TRAF3: variants seen among roughly 807,000 people sequenced by gnomAD.
The protein encoded by TRAF3 is TNF receptor associated factor 3.
TRAF3 carries 13 observed loss-of-function variants against 62.3 expected under a neutral mutation model. The ratio of observed to expected loss-of-function variants is 0.21; its 90% CI spans 0.14 to 0.33. The LOEUF (loss-of-function observed/expected upper bound fraction) is 0.33. TRAF3 is among the 10% of genes least tolerant of loss of function. The pLI is 1.00. For synonymous variants in TRAF3, 269 were observed against 283.4 expected, an observed-to-expected ratio of 0.95 and a Z score of 0.51; for missense variants, 440 against 741.8, an observed-to-expected ratio of 0.59 and a Z score of 4.73.
chr14:102,807,072 C>T (rs763682370), intron 1 of TRAF3, among the ~76,000 whole-genome samples: 2 of 152,172 alleles, frequency 1.3e-5, no homozygotes, highest in Non-Finnish European at 2.9e-5. Flanking sequence ...TCTGCTGATG[C>T]CGGTGGCCCC....
In TRAF3 at chr14:102,871,966, A is replaced by G. The variant is rs913325813; in HGVS notation, c.295A>G (p.Lys99Glu). ...GTGTCAAGAGAGCATCGTTAAAGATAAGGTATTCTGGGGTTTTTTTTAATC... is the reference window on the plus strand; with the variant it reads ...GTGTCAAGAGAGCATCGTTAAAGATGAGGTATTCTGGGGTTTTTTTTAATC... ...TACQESIVKD[K>E]VFKDNCCKRE... The change falls in exon 4 of 12, where the codon AAG becomes GAG. Residue 99 changes from lysine (K) to glutamate (E), a missense_variant and splice_region_variant. Around this residue, in one of 6 missense-constraint regions of TRAF3, gnomAD observed 255 missense variants for 424.1 expected, o/e 0.60. Transcript: ENST00000392745. 14 of 1,614,052 alleles carry G rather than the reference A, an allele frequency of 8.7e-6. No individual in the cohort carries two copies. The highest frequency in any genetic ancestry group is 1.3e-5 in the African/African-American group (1 of 74,948).
chr14:102,785,083 T>A (rs545009422), intron 1 of TRAF3, among the ~76,000 whole-genome samples: 1 of 152,322 alleles, frequency 6.6e-6, no homozygotes, highest in East Asian at 1.9e-4. Context: ...CACAGCTGAA[T>A]TACAGTGCAG....
chr14:102,791,974 T>G (rs1192892248), intron 1 of TRAF3, among the ~76,000 whole-genome samples: 1 of 151,694 alleles, frequency 6.6e-6, no homozygotes. Context: ...CACAATGCCC[T>G]GCTGTTTTTT....
At chr14:102,876,592 G>C in intron 6 of TRAF3, 67 bp downstream of exon 6, 1 of 1,572,732 alleles carries the variant, frequency 6.4e-7, no homozygotes, top group Admixed American at 1.8e-5. Context: ...CAGGCCTTCC[G>C]CTCAATTCGT....
rs758246898 is a variant in TRAF3 at position 102,897,266 on chromosome 14, C to T, written c.825C>T (p.Ser275=). The part of the protein sequence containing the change: ...EWSNSLEKKV[S]LLQNESVEKN... ...TTAAAGAATTTCTTTTTTAGGTTTC[C>T]TTGTTGCAGAATGAAAGTGTAGAAA... Residue 275 remains serine (S), a synonymous_variant, in exon 10 of 12, where the codon TCC becomes TCT. Coordinates refer to ENST00000392745, the MANE Select transcript of TRAF3 (RefSeq NM_145725.3). 6.2e-7 allele frequency: 1 copy of T among 1,612,016 alleles called. No homozygotes were observed. The highest frequency in any genetic ancestry group is 8.5e-7 in the Non-Finnish European group (1 of 1,179,212).
intron 4 of TRAF3, among the ~76,000 whole-genome samples, chr14:102,872,981 C>T (rs765664522): frequency 2.0e-5 from 3 of 152,182 alleles, no homozygotes; most frequent in Non-Finnish European, 4.4e-5. Context: ...CATGAGCCAC[C>T]GCACCCAGCA....
rs116454257 is a variant in TRAF3, at chr14:102,826,975, C to G, written c.-156-3359C>G. 0.046 allele frequency among the ~76,000 whole-genome samples: 6,995 copies of G among 152,214 alleles called. 566 individuals carry two copies. The highest frequency in any genetic ancestry group is 0.16 in the African/African-American group (6,576 of 41,506). On this transcript the variant is annotated intron_variant, in intron 1 of 11. Transcript: ENST00000392745. The surrounding 1 kb of genome is among the most constrained non-coding windows in gnomAD (Gnocchi z 4.6). ...ACATAGGCTCTGTCAGTGGTGGTGG[C>G]GGTGGCTGTACCTGCTCCGGGCTGC...
At chr14:102,846,277 C>T (rs149359842) in intron 2 of TRAF3, among the ~76,000 whole-genome samples, 37 of 152,076 alleles carry the variant, frequency 2.4e-4, no homozygotes, top group African/African-American at 8.0e-4. Context: ...AGACCACCCT[C>T]GGGGATGAGA....
chr14:102,894,023 G>A (rs1340934803), intron 9 of TRAF3, among the ~76,000 whole-genome samples: 1 of 152,142 alleles, frequency 6.6e-6, no homozygotes, highest in South Asian at 2.1e-4. Context: ...ATGTTTGAGC[G>A]GGTTCACAAA....
At chr14:102,901,933 T>C (rs8010083) in intron 10 of TRAF3, among the ~76,000 whole-genome samples, 2,159 of 152,328 alleles carry the variant, frequency 0.014, 47 homozygotes, top group African/African-American at 0.05. Context: ...CACAGCTGCA[T>C]TGAGCACTGA....
At chr14:102,841,076 C>G (rs1049801841) in intron 2 of TRAF3, among the ~76,000 whole-genome samples, 2 of 152,206 alleles carry the variant, frequency 1.3e-5, no homozygotes, top group African/African-American at 2.4e-5. Context: ...TAAAACCTTT[C>G]TGACACAAAC....
chr14:102,802,767 T>G (rs953935679), intron 1 of TRAF3, among the ~76,000 whole-genome samples: 1 of 151,810 alleles, frequency 6.6e-6, no homozygotes, highest in African/African-American at 2.4e-5. Flanking sequence ...GGCGGAAGTT[T>G]CAGTGAGCCG....
chr14:102,905,763 T>A lies in TRAF3; in HGVS notation c.1686T>A (p.Thr562=), dbSNP rs769732552. 3 of 1,613,598 alleles carry A rather than the reference T, an allele frequency of 1.9e-6. No individual in the cohort carries two copies. The South Asian group carries it at 3.3e-5, about 18-fold the overall frequency. The part of the protein sequence containing the change: ...DTIFIKVIVD[T]SDLPDP ...TTTTTATTAAAGTCATAGTGGATAC[T>A]TCGGATCTGCCCGATCCCTGATAAG... is the stretch of plus-strand genomic sequence containing the variant. The change falls in exon 12 of 12, where the codon ACT becomes ACA. Residue 562 remains threonine, a synonymous_variant. Coordinates refer to ENST00000392745, the MANE Select transcript of TRAF3 (RefSeq NM_145725.3).
chr14:102,778,108 CG>C (rs920097037), intron 1 of TRAF3, among the ~76,000 whole-genome samples: 3 of 150,294 alleles, frequency 2.0e-5, no homozygotes, highest in Admixed American at 6.6e-5. Flanking sequence ...CCGGGCCGGC[CG>C]GGGGGGCCCG....
At chr14:102,814,269 C>T (rs1417000068) in intron 1 of TRAF3, among the ~76,000 whole-genome samples, 1 of 152,100 alleles carries the variant, frequency 6.6e-6, no homozygotes, top group Non-Finnish European at 1.5e-5. Flanking sequence ...TTCCATTGGT[C>T]TGTGTATCTG....
At chr14:102,800,757 G>A (rs890142818) in intron 1 of TRAF3, among the ~76,000 whole-genome samples, 6 of 141,242 alleles carry the variant, frequency 4.2e-5, no homozygotes, top group Admixed American at 7.4e-5. Context: ...AATCAGTGGT[G>A]TGATCAAAGC....
At chr14:102,866,319 A>G (rs1430283055) in intron 2 of TRAF3, among the ~76,000 whole-genome samples, 1 of 152,184 alleles carries the variant, frequency 6.6e-6, no homozygotes, top group African/African-American at 2.4e-5. Context: ...AATGTAGATG[A>G]CGGGTTGATG....
At chr14:102,888,452 A>C (rs1353296558) in intron 7 of TRAF3, among the ~76,000 whole-genome samples, 1 of 152,090 alleles carries the variant, frequency 6.6e-6, no homozygotes, top group East Asian at 1.9e-4. Flanking sequence ...CGCAGCAGGG[A>C]TCCATTTTCC....
At chr14:102,825,544 A>G (rs1269199112) in intron 1 of TRAF3, among the ~76,000 whole-genome samples, 1 of 152,186 alleles carries the variant, frequency 6.6e-6, no homozygotes, top group Non-Finnish European at 1.5e-5. Context: ...CAGGAGGCAC[A>G]AGAGTGTTGG....
Sources: gnomAD v4.1 joint callset for allele counts (sites outside exome capture counted in the v4.1 genomes callset) on GRCh38, gnomAD v4.1.1 for gene constraint, gnomAD v4.1.1 regional missense constraint, Gnocchi (gnomAD v3.1) non-coding constraint, MANE v1.5 for transcripts, NCBI Gene and HGNC (gene_info 2026-07-23, HGNC 2026-07-21) for gene names.